Variants in PCDH15 observed in about 807,000 individuals in gnomAD.
The protein encoded by PCDH15 is protocadherin related 15.
PCDH15 carries 129 observed loss-of-function variants against 178.5 expected under a neutral mutation model. The observed-to-expected ratio is 0.72, with a 90% confidence interval of 0.63 to 0.84. The LOEUF (loss-of-function observed/expected upper bound fraction) is 0.84, where lower values mean the gene tolerates loss of function less well. PCDH15 is among the 40% of genes least tolerant of loss of function. PCDH15 has a pLI of 0.00. For missense variants in PCDH15, 2,230 were observed against 2,099.9 expected, an observed-to-expected ratio of 1.06 and a Z score of -1.21; for synonymous variants, 800 against 732.0, an observed-to-expected ratio of 1.09 and a Z score of -1.50.
In PCDH15 at chr10:54,509,700, T is replaced by C. The variant is rs554757352; in HGVS notation, c.157+18112A>G. The stretch of plus-strand genomic sequence containing the variant: ...ACTTTCTTGGTTCCTCCGGTTTAAC[T>C]TCTTCCTCTGCCTCAACTTCTTTAC... On this transcript the variant is annotated intron_variant, in intron 3 of 37. Transcript: ENST00000644397. 2.6e-5 allele frequency among the ~76,000 whole-genome samples: 4 copies of C among 152,270 alleles called. No homozygotes were observed. In the South Asian group the frequency reaches 8.3e-4, roughly 32 times the overall value.
At chr10:54,796,294 C>G (rs539216632) in intron 1 of PCDH15, among the ~76,000 whole-genome samples, 24 of 146,024 alleles carry the variant, frequency 1.6e-4, no homozygotes, top group South Asian at 2.1e-4. Flanking sequence ...ATCTATCTAT[C>G]TATCTATCTA....
chr10:55,299,168 C>G (rs1283267354), intron 1 of PCDH15, among the ~76,000 whole-genome samples: 1 of 152,090 alleles, frequency 6.6e-6, no homozygotes, highest in Non-Finnish European at 1.5e-5. Flanking sequence ...TTATTCCAGA[C>G]TATACAAAAG....
chr10:54,473,923 T>G (rs1331280006), intron 3 of PCDH15, among the ~76,000 whole-genome samples: 1 of 151,810 alleles, frequency 6.6e-6, no homozygotes, highest in African/African-American at 2.4e-5. Flanking sequence ...AAATTCTCTA[T>G]AAACATAATT....
At chr10:54,610,996 GAAC>G (rs1414860477) in intron 2 of PCDH15, among the ~76,000 whole-genome samples, 1 of 151,682 alleles carries the variant, frequency 6.6e-6, no homozygotes, top group East Asian at 1.9e-4. Context: ...CTCCAGCACA[GAAC>G]AACATATCTT....
chr10:55,568,112 TTGTTAATAGC>T (rs1842339152), intron 2 of PCDH15, among the ~76,000 whole-genome samples: 1 of 152,032 alleles, frequency 6.6e-6, no homozygotes, highest in South Asian at 2.1e-4. Flanking sequence ...TATACCCATG[TTGTTAATAGC>T]ATTACTAATA....
chr10:54,594,592 C>T (rs1381862748), intron 2 of PCDH15, among the ~76,000 whole-genome samples: 1 of 152,154 alleles, frequency 6.6e-6, no homozygotes, highest in Non-Finnish European at 1.5e-5. Context: ...CATGTCCTCC[C>T]CACACTACAG....
intron 17 of PCDH15, among the ~76,000 whole-genome samples, chr10:54,069,267 A>G (rs2094196190): frequency 6.6e-6 from 1 of 152,138 alleles, no homozygotes; most frequent in Non-Finnish European, 1.5e-5. Flanking sequence ...TTTACCTGTC[A>G]ATCCACTGTT....
intron 5 of PCDH15, among the ~76,000 whole-genome samples, chr10:54,349,704 A>G (rs1179511494): frequency 6.6e-6 from 1 of 152,210 alleles, no homozygotes; most frequent in East Asian, 1.9e-4. Context: ...CCTTTAAAAT[A>G]AACTCTACAT....
intron 1 of PCDH15, among the ~76,000 whole-genome samples, chr10:54,764,340 T>G (rs1184053883): frequency 6.6e-6 from 1 of 152,084 alleles, no homozygotes; most frequent in Non-Finnish European, 1.5e-5. Context: ...TCTATTTCCC[T>G]TTAGAATCTA....
chr10:53,994,060 CAG>C (rs1411462702), intron 21 of PCDH15, among the ~76,000 whole-genome samples: 1 of 152,180 alleles, frequency 6.6e-6, no homozygotes, highest in Non-Finnish European at 1.5e-5. Context: ...AGTGTAAAAA[CAG>C]AGCTTTCTCT....
At chr10:55,462,978 C>G (rs1335153307) in intron 2 of PCDH15, among the ~76,000 whole-genome samples, 4 of 151,548 alleles carry the variant, frequency 2.6e-5, no homozygotes, top group African/African-American at 9.7e-5. Flanking sequence ...ATGTGTTGAT[C>G]TGAAGCAAAG....
intron 15 of PCDH15, among the ~76,000 whole-genome samples, chr10:54,095,685 T>C (rs983498919): frequency 2.6e-5 from 4 of 152,112 alleles, no homozygotes; most frequent in African/African-American, 9.7e-5. Flanking sequence ...ATAAATGGCA[T>C]TTGGAAGTGA....
chr10:53,919,571 G>A (rs1366795050), intron 25 of PCDH15, among the ~76,000 whole-genome samples: 1 of 152,080 alleles, frequency 6.6e-6, no homozygotes, highest in Non-Finnish European at 1.5e-5. Context: ...ATGAGGCTTG[G>A]AGGGATTAAA....
At chr10:55,096,948 A>G (rs1024112293) in intron 2 of PCDH15, among the ~76,000 whole-genome samples, 1 of 152,102 alleles carries the variant, frequency 6.6e-6, no homozygotes, top group African/African-American at 2.4e-5. Context: ...ACATATCCCA[A>G]CTGAATATTG....
At chr10:54,129,477 A>G (rs4935500) in intron 15 of PCDH15, among the ~76,000 whole-genome samples, 99,977 of 152,016 alleles carry the variant, frequency 0.66, 34,072 homozygotes, top group East Asian at 0.88. Context: ...GAAAAGCAGA[A>G]CTGGAGATGA....
intron 2 of PCDH15, among the ~76,000 whole-genome samples, chr10:55,064,783 T>G (rs529839143): frequency 6.6e-6 from 1 of 152,172 alleles, no homozygotes; most frequent in South Asian, 2.1e-4. Context: ...TAGTACCAAT[T>G]TATACTTGTG....
At chr10:53,856,112 T>C (rs190978779) in intron 28 of PCDH15, among the ~76,000 whole-genome samples, 102 of 151,120 alleles carry the variant, frequency 6.7e-4, no homozygotes, top group African/African-American at 2.5e-3. Flanking sequence ...ACAATGGAGT[T>C]TGGGGACTCA....
intron 7 of PCDH15, among the ~76,000 whole-genome samples, chr10:54,323,649 A>G (rs1325238587): frequency 6.6e-6 from 1 of 152,068 alleles, no homozygotes; most frequent in Admixed American, 6.6e-5. Flanking sequence ...TCAGTTTTTC[A>G]ATGGGAGCTA....
intron 8 of PCDH15, among the ~76,000 whole-genome samples, chr10:54,279,525 C>A (rs2058550360): frequency 6.6e-6 from 1 of 151,578 alleles, no homozygotes; most frequent in African/African-American, 2.4e-5. Flanking sequence ...TCTTAGATAA[C>A]AAGAAAACTA....
Sources: gnomAD v4.1 joint callset for allele counts (sites outside exome capture counted in the v4.1 genomes callset) on GRCh38, gnomAD v4.1.1 for gene constraint, MANE v1.5 for transcripts, NCBI Gene and HGNC (gene_info 2026-07-23, HGNC 2026-07-21) for gene names.